GRIK2: variants seen among roughly 807,000 people sequenced by gnomAD.
GRIK2 encodes glutamate receptor ionotropic, kainate 2.
In GRIK2, 32 loss-of-function variants were observed where a neutral mutation model predicts 100.3. The observed-to-expected ratio is 0.32, with a 90% CI of 0.24 to 0.43. The LOEUF is 0.43. GRIK2 is among the 20% of genes least tolerant of loss of function. The probability of loss-of-function intolerance (pLI) is 1.00; values close to 1 mark genes in which losing one functional copy is unlikely to be tolerated. For missense variants in GRIK2, 843 were observed against 1,114.9 expected (o/e 0.76, Z 3.47); for synonymous variants, 417 against 389.4 (o/e 1.07, Z -0.83).
chr6:101,451,661 A>G (rs1020853178), intron 2 of GRIK2, among the ~76,000 whole-genome samples: 3 of 140,798 alleles, frequency 2.1e-5, no homozygotes, highest in Non-Finnish European at 4.6e-5. Flanking sequence ...TGAACAAATT[A>G]CTAACTTTTC....
Position 101,682,199 on chromosome 6 carries a change from G to T in GRIK2, c.724-354G>T, listed in dbSNP as rs368810529. The stretch of plus-strand genomic sequence containing the variant: ...TAATATTGTTCATTAAAATAAAATG[G>T]TGTTCCTCATTGGAGTATTTGTAGT... On this transcript the variant is annotated intron_variant, in intron 5 of 16. Transcript: ENST00000369134. Among the ~76,000 whole-genome samples, 5 of 152,082 alleles carry T rather than the reference G, an allele frequency of 3.3e-5. No homozygotes were observed. In the South Asian group the frequency reaches 6.2e-4, roughly 19 times the overall value.
chr6:102,004,856 T>C (rs778603666), intron 14 of GRIK2, among the ~76,000 whole-genome samples: 3 of 151,760 alleles, frequency 2.0e-5, no homozygotes, highest in Non-Finnish European at 4.4e-5. Context: ...CTTTCTCCAG[T>C]GCATTTTTTT....
intron 2 of GRIK2, among the ~76,000 whole-genome samples, chr6:101,473,444 A>G (rs1772059937): frequency 6.6e-6 from 1 of 151,862 alleles, no homozygotes; most frequent in African/African-American, 2.4e-5. Context: ...ATTGAACAAT[A>G]TAAATAATAG....
intron 5 of GRIK2, among the ~76,000 whole-genome samples, chr6:101,680,825 TTC>T (rs1408736661): frequency 6.6e-6 from 1 of 152,144 alleles, no homozygotes; most frequent in Non-Finnish European, 1.5e-5. Flanking sequence ...ATAAGGGAAA[TTC>T]TGTCTTATTT....
At chr6:101,628,088 A>C (rs1035675649) in intron 4 of GRIK2, among the ~76,000 whole-genome samples, 5 of 152,090 alleles carry the variant, frequency 3.3e-5, no homozygotes, top group African/African-American at 1.2e-4. Context: ...TCATAATTAC[A>C]TTGAGATTGA....
intron 12 of GRIK2, among the ~76,000 whole-genome samples, chr6:101,922,817 C>T (rs966257423): frequency 9.2e-5 from 14 of 151,990 alleles, no homozygotes; most frequent in Admixed American, 3.9e-4. Context: ...TAATTTAAAG[C>T]GGTAATATTT....
intron 14 of GRIK2, among the ~76,000 whole-genome samples, chr6:101,981,997 A>G (rs1793739615): frequency 6.6e-6 from 1 of 151,826 alleles, no homozygotes; most frequent in Admixed American, 6.6e-5. Flanking sequence ...AAATATAGAA[A>G]ATATAAAAAA....
In GRIK2 at chr6:101,793,172, A is replaced by G. The variant is rs148732383; in HGVS notation, c.952-6476A>G. On this transcript the variant is annotated intron_variant, in intron 7 of 16. Transcript: ENST00000369134. The stretch of plus-strand genomic sequence containing the variant: ...GTTTGAATTTCCTCCTGTAGCTCGG[A>G]GTAGTTTGATCATCTGAAGCCTTCT... Among the ~76,000 whole-genome samples, 1,173 of 152,204 alleles carry G rather than the reference A, an allele frequency of 7.7e-3. 7 individuals carry two copies. The highest frequency in any genetic ancestry group is 9.8e-3 in the Non-Finnish European group (664 of 68,006).
chr6:101,890,125 T>C (rs1321594943), intron 12 of GRIK2: 2 of 296,856 alleles, frequency 6.7e-6, no homozygotes, highest in African/African-American at 4.3e-5. Context: ...AAAAGCTTTT[T>C]AAATCAATAT....
chr6:102,034,833 A>AT (rs1369018849), intron 14 of GRIK2, among the ~76,000 whole-genome samples: 1 of 151,322 alleles, frequency 6.6e-6, no homozygotes, highest in South Asian at 2.1e-4. Flanking sequence ...CAACCCATAC[A>AT]TTTTTTGTGT....
intron 7 of GRIK2, among the ~76,000 whole-genome samples, chr6:101,781,036 G>A (rs1779053640): frequency 6.6e-6 from 1 of 152,130 alleles, no homozygotes; most frequent in Non-Finnish European, 1.5e-5. Flanking sequence ...GGATTTGTTA[G>A]AATTATATGA....
intron 7 of GRIK2, among the ~76,000 whole-genome samples, chr6:101,721,867 CA>C (rs1158090225): frequency 4.0e-5 from 6 of 151,380 alleles, no homozygotes; most frequent in Non-Finnish European, 7.4e-5. Context: ...TTACTTCTCA[CA>C]AAAAAAAGAA....
intron 10 of GRIK2, among the ~76,000 whole-genome samples, chr6:101,851,601 T>G (rs1194587738): frequency 6.6e-6 from 1 of 151,986 alleles, no homozygotes; most frequent in African/African-American, 2.4e-5. Context: ...TAAAATACTT[T>G]ATGTTAAAAA....
chr6:101,871,953 G>A (rs577364600), intron 11 of GRIK2, among the ~76,000 whole-genome samples: 291 of 152,016 alleles, frequency 1.9e-3, no homozygotes, highest in African/African-American at 6.4e-3. Flanking sequence ...TCTCTAAAAT[G>A]CTCTTCACAG....
intron 2 of GRIK2, among the ~76,000 whole-genome samples, chr6:101,520,388 T>A (rs998618365): frequency 3.5e-4 from 53 of 150,576 alleles, no homozygotes; most frequent in African/African-American, 1.3e-3. Context: ...ATATATTACA[T>A]TATATATTAT....
intron 2 of GRIK2, among the ~76,000 whole-genome samples, chr6:101,411,282 G>A (rs1477341667): frequency 6.6e-6 from 1 of 152,004 alleles, no homozygotes; most frequent in Non-Finnish European, 1.5e-5. Context: ...TTTTAGATAG[G>A]CATTCTGCAG....
intron 2 of GRIK2, among the ~76,000 whole-genome samples, chr6:101,598,592 T>TAAAAAAAAAAAAAAAAAAGAAAA (rs1779038534): frequency 1.2e-5 from 1 of 82,394 alleles, no homozygotes; most frequent in Non-Finnish European, 2.4e-5. Flanking sequence ...TCTTCCTTAA[T>TAAAAAAAAAAAAAAAAAAGAAAA]AAAAAAAAAA....
In GRIK2 at chr6:101,751,462, A is replaced by G. The variant is rs957692141; in HGVS notation, c.952-48186A>G. On this transcript the variant is annotated intron_variant, in intron 7 of 16. Coordinates refer to ENST00000369134, the MANE Select transcript of GRIK2 (RefSeq NM_021956.5). ...TCACATCATTTTATTGATACATATTATGTTTTGTATTACTAAAAATATGGG... is the reference window on the plus strand; with the variant it reads ...TCACATCATTTTATTGATACATATTGTGTTTTGTATTACTAAAAATATGGG... Among the ~76,000 whole-genome samples the G allele has an allele frequency of 2.0e-5, 3 of 152,258 alleles. No homozygotes were observed. The South Asian group carries it at 6.2e-4, about 32-fold the overall frequency.
intron 15 of GRIK2, among the ~76,000 whole-genome samples, chr6:102,048,112 A>C (rs1770992619): frequency 6.6e-6 from 1 of 151,448 alleles, no homozygotes; most frequent in Admixed American, 6.6e-5. Context: ...CCAATGGAAA[A>C]AAACAGTTCT....
Sources: allele counts gnomAD v4.1 joint callset (sites outside exome capture counted in the v4.1 genomes callset), GRCh38; gene constraint gnomAD v4.1.1; transcripts MANE v1.5; gene names NCBI Gene and HGNC (gene_info 2026-07-23, HGNC 2026-07-21).